The following RGS12 variants were observed in gnomAD, a reference collection of about 807,000 sequenced individuals.
RGS12 encodes regulator of G-protein signaling 12.
RGS12 carries 66 observed loss-of-function variants against 120.1 expected under a neutral mutation model. That is an observed-to-expected ratio of 0.55 (90% confidence interval 0.45 to 0.67). RGS12 has a LOEUF of 0.67. Among genes scored for constraint, RGS12 ranks in the 30% least tolerant of loss-of-function variants. The pLI is 0.00. For missense variants in RGS12, 1,859 were observed against 1,957.7 expected, an observed-to-expected ratio of 0.95 and a Z score of 0.95; for synonymous variants, 827 against 804.7, an observed-to-expected ratio of 1.03 and a Z score of -0.47.
At chr4:3,286,056 G>A in the RGS12 span, among the ~76,000 whole-genome samples, 40 of 152,388 alleles carry the variant, frequency 2.6e-4, 1 homozygote, top group African/African-American at 9.4e-4. Context: ...GGAACGTGGA[G>A]AGGAGCCCAG....
rs1016148041 is a variant in RGS12, at chr4:3,412,935, C to T, written c.2021-1137C>T. On this transcript the variant is annotated intron_variant, in intron 4 of 17. Coordinates refer to ENST00000336727, the MANE Select transcript of RGS12 (RefSeq NM_001394154.1). ...ATCCCTTCTTGGGCTCAGGCCAGGC[C>T]GGCCACTCTGGGACAGGGGCGCCCC... 14 of 152,434 alleles carry T rather than the reference C, an allele frequency of 9.2e-5. No homozygotes were observed. In the South Asian group the frequency reaches 1.7e-3, roughly 18 times the overall value. 9.4% of individuals were successfully genotyped at this position (152,434 alleles called of 1,614,324 possible).
intron 3 of RGS12, among the ~76,000 whole-genome samples, chr4:3,349,328 A>C (rs941301707): frequency 6.6e-6 from 1 of 152,194 alleles, no homozygotes; most frequent in Non-Finnish European, 1.5e-5. Flanking sequence ...TCTTAAAACA[A>C]CAGGCATTTT....
At position 3,405,546 on chromosome 4, in the gene RGS12, TG is replaced by T. The variant is rs570478191; in HGVS notation, c.2021-8522del. 7.1e-4 allele frequency among the ~76,000 whole-genome samples: 108 copies of T among 152,288 alleles called. 1 individual carries two copies. The highest frequency in any genetic ancestry group is 2.3e-3 in the African/African-American group (96 of 41,570). On this transcript the variant is annotated intron_variant, in intron 4 of 17. Coordinates refer to ENST00000336727, the MANE Select transcript of RGS12 (RefSeq NM_001394154.1). ...AGCCACCCTGAGTTCCACCCTGCTC[TG>T]GGGAAAAGAGCTGGAAAGGACAGGA...
At chr4:3,321,723 G>A (rs1341503527) in intron 2 of RGS12, among the ~76,000 whole-genome samples, 2 of 152,196 alleles carry the variant, frequency 1.3e-5, no homozygotes, top group Admixed American at 6.5e-5. Flanking sequence ...CCCCCCAGTG[G>A]ACTGCAGGCA....
chr4:3,335,461 A>G (rs747353681), intron 2 of RGS12, among the ~76,000 whole-genome samples: 17 of 152,010 alleles, frequency 1.1e-4, no homozygotes, highest in Admixed American at 5.2e-4. Context: ...CCTCTATGAC[A>G]CCGACAGGGT....
At chr4:3,436,726 G>C (rs1724841522) in intron 17 of RGS12, among the ~76,000 whole-genome samples, 1 of 152,220 alleles carries the variant, frequency 6.6e-6, no homozygotes, top group Admixed American at 6.5e-5. Context: ...ATGGACAAGT[G>C]TCTGGGAGGC....
chr4:3,318,556 A>G (rs1724964176), intron 2 of RGS12, among the ~76,000 whole-genome samples: 2 of 151,888 alleles, frequency 1.3e-5, no homozygotes, highest in African/African-American at 4.8e-5. Flanking sequence ...CACCAGCTGG[A>G]CTCCGCAGTG....
chr4:3,342,685 G>A (rs1713363578), intron 2 of RGS12: 2 of 907,170 alleles, frequency 2.2e-6, no homozygotes, highest in Non-Finnish European at 3.1e-6. Context: ...CAGAGGTGGA[G>A]GCTTTGTCAG....
intron 17 of RGS12, among the ~76,000 whole-genome samples, chr4:3,436,547 A>C (rs1324144572): frequency 6.6e-6 from 1 of 152,100 alleles, no homozygotes; most frequent in East Asian, 1.9e-4. Flanking sequence ...GTCTCGAAGG[A>C]GAGCCTGGGA....
At chr4:3,319,021 C>CT (rs1725004446) in intron 2 of RGS12, among the ~76,000 whole-genome samples, 1 of 152,240 alleles carries the variant, frequency 6.6e-6, no homozygotes, top group Admixed American at 6.5e-5. Flanking sequence ...AGGCTGCTGG[C>CT]TGGGTAGGCA....
At chr4:3,394,960 A>G (rs116412689) in intron 4 of RGS12, among the ~76,000 whole-genome samples, 3,359 of 152,212 alleles carry the variant, frequency 0.022, 73 homozygotes, top group East Asian at 0.07. Flanking sequence ...CTTGAGGCCA[A>G]GAGTTCAAGA....
intron 3 of RGS12, among the ~76,000 whole-genome samples, chr4:3,363,375 C>G (rs1715923007): frequency 6.6e-6 from 1 of 152,052 alleles, no homozygotes; most frequent in African/African-American, 2.4e-5. Flanking sequence ...TTTAAAAATC[C>G]TGTTTCAGCT....
chr4:3,286,145 G>T, the RGS12 span, among the ~76,000 whole-genome samples: 1 of 152,236 alleles, frequency 6.6e-6, no homozygotes, highest in African/African-American at 2.4e-5. Context: ...CCACAGGGAG[G>T]GTCACCAACT....
At chr4:3,435,482 C>A (rs1191579113) in intron 17 of RGS12, among the ~76,000 whole-genome samples, 7 of 151,394 alleles carry the variant, frequency 4.6e-5, no homozygotes, top group South Asian at 2.1e-4. Context: ...GCCTGCAAAG[C>A]TGCTGAGGGC....
intron 2 of RGS12, among the ~76,000 whole-genome samples, chr4:3,336,083 C>T (rs948636519): frequency 1.9e-4 from 29 of 152,204 alleles, no homozygotes; most frequent in African/African-American, 6.5e-4. Flanking sequence ...CAGAGTGAAA[C>T]GCTGTCTCAA....
intron 6 of RGS12, among the ~76,000 whole-genome samples, chr4:3,415,449 G>A (rs551884325): frequency 1.3e-5 from 2 of 152,220 alleles, no homozygotes; most frequent in Admixed American, 6.5e-5. Flanking sequence ...AGGAAGGAAC[G>A]TGTATTTAGG....
Position 3,317,762 on chromosome 4 carries a change from G to C in RGS12, c.1592G>C (p.Cys531Ser), listed in dbSNP as rs530079959. ...AAGAGGGGCACCGTGGGTGCTGGCT[G>C]TGGTTTCAACCAGCGCTGGCTCCCG... ...PSKRGTVGAG[C>S]GFNQRWLPVH... Residue 531 changes from cysteine (C) to serine (S), a missense_variant, in exon 2 of 18, where the codon TGT becomes TCT. This residue lies in a region of RGS12 where 967 missense variants were observed against 994.2 expected (regional missense o/e 0.97). Coordinates refer to ENST00000336727, the MANE Select transcript of RGS12 (RefSeq NM_001394154.1). 27 of 1,613,586 alleles carry C rather than the reference G, an allele frequency of 1.7e-5. No individual in the cohort carries two copies. In the East Asian group the frequency reaches 5.8e-4, roughly 35 times the overall value.
chr4:3,322,092 T>G (rs1725239548), intron 2 of RGS12, among the ~76,000 whole-genome samples: 1 of 152,196 alleles, frequency 6.6e-6, no homozygotes, highest in South Asian at 2.1e-4. Context: ...AGCCCGGGTT[T>G]CCGCCCTCAG....
intron 3 of RGS12, among the ~76,000 whole-genome samples, chr4:3,356,157 G>A (rs1198397347): frequency 1.3e-5 from 2 of 150,814 alleles, no homozygotes; most frequent in East Asian, 3.9e-4. Context: ...GGGCTCAGGC[G>A]ATCCTTTGGC....
Sources: gnomAD v4.1 joint callset for allele counts (sites outside exome capture counted in the v4.1 genomes callset) on GRCh38, gnomAD v4.1.1 for gene constraint, gnomAD v4.1.1 regional missense constraint, MANE v1.5 for transcripts, NCBI Gene and HGNC (gene_info 2026-07-23, HGNC 2026-07-21) for gene names.